Variants in ROBO2 observed in about 807,000 individuals in gnomAD.
ROBO2 encodes the protein roundabout homolog 2.
A neutral mutation model predicts 160.8 loss-of-function variants in ROBO2; 53 were observed. That is an observed-to-expected ratio of 0.33 (90% CI 0.26 to 0.41). The LOEUF is 0.41. Ranked by LOEUF, ROBO2 falls within the 10% of genes least tolerant of loss-of-function variation. The probability of loss-of-function intolerance (pLI) is 1.00; values close to 1 mark genes in which losing one functional copy is unlikely to be tolerated. For missense variants in ROBO2, 1,577 were observed against 1,722.4 expected (o/e 0.92, Z 1.49); for synonymous variants, 664 against 611.7 (o/e 1.09, Z -1.26).
chr3:76,238,148 G>A (rs1705062432), intron 2 of ROBO2, among the ~76,000 whole-genome samples: 1 of 152,106 alleles, frequency 6.6e-6, no homozygotes, highest in Non-Finnish European at 1.5e-5. Context: ...TAAAGCCAAA[G>A]AAAAGTTGAA....
intron 1 of ROBO2, among the ~76,000 whole-genome samples, chr3:77,097,647 C>T (rs1310700412): frequency 9.9e-5 from 15 of 152,164 alleles, no homozygotes; most frequent in Admixed American, 9.8e-4. Context: ...TAGCTGCTTG[C>T]TGACGTGGCT....
At chr3:77,122,606 C>A (rs1305571047) in intron 2 of ROBO2, among the ~76,000 whole-genome samples, 1 of 152,032 alleles carries the variant, frequency 6.6e-6, no homozygotes. Flanking sequence ...CATAGTAAAC[C>A]CATAGAGAAT....
At chr3:75,937,662 T>C (rs77101234) in intron 2 of ROBO2, 21 of 1,077,386 alleles carry the variant, frequency 1.9e-5, no homozygotes, top group Non-Finnish European at 2.7e-5. Flanking sequence ...TTTATGATGA[T>C]ATTATGTGAG....
intron 2 of ROBO2, among the ~76,000 whole-genome samples, chr3:76,694,396 T>C (rs574294280): frequency 6.6e-6 from 1 of 152,300 alleles, no homozygotes; most frequent in Non-Finnish European, 1.5e-5. Context: ...CCAAGCTAAT[T>C]AGCTAGTTCA....
chr3:77,269,579 C>A (rs2153351920), intron 2 of ROBO2, among the ~76,000 whole-genome samples: 1 of 151,566 alleles, frequency 6.6e-6, no homozygotes, highest in East Asian at 1.9e-4. Context: ...TAAGGAATTC[C>A]AATGAAAACA....
chr3:76,674,474 C>T (rs1192653770), intron 2 of ROBO2, among the ~76,000 whole-genome samples: 1 of 151,992 alleles, frequency 6.6e-6, no homozygotes, highest in Non-Finnish European at 1.5e-5. Flanking sequence ...CAAGGGAACC[C>T]AGCTGGACCC....
intron 2 of ROBO2, among the ~76,000 whole-genome samples, chr3:76,235,533 T>G (rs2107491216): frequency 6.6e-6 from 1 of 152,262 alleles, no homozygotes; most frequent in Middle Eastern, 3.4e-3. Context: ...CCTAGAAAAC[T>G]AATACAGATC....
At chr3:75,980,815 T>A (rs979331405) in intron 2 of ROBO2, among the ~76,000 whole-genome samples, 5 of 151,526 alleles carry the variant, frequency 3.3e-5, no homozygotes, top group African/African-American at 1.2e-4. Context: ...CTTCTCTCAC[T>A]ATTTTCTGAA....
intron 2 of ROBO2, among the ~76,000 whole-genome samples, chr3:76,115,185 G>T (rs2070409330): frequency 2.0e-5 from 3 of 151,928 alleles, no homozygotes. Context: ...GATACTAGTG[G>T]GGCAATTTTA....
At chr3:77,007,450 C>A (rs767775360) in intron 2 of ROBO2, among the ~76,000 whole-genome samples, 2 of 152,004 alleles carry the variant, frequency 1.3e-5, no homozygotes, top group South Asian at 4.1e-4. Flanking sequence ...GACTGCCACC[C>A]GGGTCTATAT....
intron 2 of ROBO2, among the ~76,000 whole-genome samples, chr3:77,410,033 C>A (rs543522611): frequency 1.3e-5 from 2 of 152,180 alleles, no homozygotes; most frequent in Non-Finnish European, 2.9e-5. Flanking sequence ...ATTGGGTTAT[C>A]TCCTAAGTGA....
chr3:77,353,951 C>T (rs1017457212), intron 2 of ROBO2, among the ~76,000 whole-genome samples: 3 of 152,038 alleles, frequency 2.0e-5, no homozygotes, highest in Admixed American at 6.6e-5. Context: ...CATTAATTAC[C>T]GCTTCTTCCC....
chr3:77,419,671 T>C (rs1326319318), intron 2 of ROBO2, among the ~76,000 whole-genome samples: 2 of 152,268 alleles, frequency 1.3e-5, no homozygotes, highest in East Asian at 3.9e-4. Context: ...ATTAAGGCTA[T>C]AGTACACATT....
rs28579227 is a variant in ROBO2, at chr3:76,521,339, G to A, written c.110-576675G>A. Among the ~76,000 whole-genome samples, 343 of 152,162 alleles carry A rather than the reference G, an allele frequency of 2.3e-3. 1 individual carries two copies. Among genetic ancestry groups the A allele is most frequent in the African/African-American group, 8.0e-3 (332 of 41,510 alleles). ...GCTGGGATTACAGGCATGAGCCACC[G>A]CGCCTGGCCCAACAACAATTGCTCT... is the stretch of plus-strand genomic sequence containing the variant. On this transcript the variant is annotated intron_variant, in intron 2 of 26. Transcript: ENST00000487694.
chr3:76,796,814 C>T (rs888785281), intron 2 of ROBO2, among the ~76,000 whole-genome samples: 9 of 151,836 alleles, frequency 5.9e-5, no homozygotes, highest in African/African-American at 2.2e-4. Context: ...TTGGATCATA[C>T]AAAATAGACT....
intron 2 of ROBO2, among the ~76,000 whole-genome samples, chr3:76,481,918 C>T (rs1321234114): frequency 6.6e-6 from 1 of 152,070 alleles, no homozygotes; most frequent in Non-Finnish European, 1.5e-5. Flanking sequence ...GTTACTTGTT[C>T]TCACCAAATA....
At chr3:76,048,124 A>C (rs1458102099) in intron 2 of ROBO2, among the ~76,000 whole-genome samples, 2 of 152,108 alleles carry the variant, frequency 1.3e-5, no homozygotes, top group Non-Finnish European at 2.9e-5. Context: ...ATGTATTGTC[A>C]ACACTTTGTG....
At chr3:76,087,057 TG>T (rs1292826781) in intron 2 of ROBO2, among the ~76,000 whole-genome samples, 1 of 151,696 alleles carries the variant, frequency 6.6e-6, no homozygotes. Context: ...CTAAAAACTA[TG>T]CATAAAGGAA....
chr3:76,854,042 CT>C (rs1287691493), intron 2 of ROBO2, among the ~76,000 whole-genome samples: 13 of 89,164 alleles, frequency 1.5e-4, no homozygotes, highest in African/African-American at 5.1e-4. Flanking sequence ...CTCTCTCTCT[CT>C]CTCTCTCTCT....
Sources: allele counts gnomAD v4.1 joint callset (sites outside exome capture counted in the v4.1 genomes callset), GRCh38; gene constraint gnomAD v4.1.1; transcripts MANE v1.5; gene names NCBI Gene and HGNC (gene_info 2026-07-23, HGNC 2026-07-21).